Variants in PRKG1 observed in about 807,000 individuals in gnomAD.
The protein encoded by PRKG1 is cGMP-dependent protein kinase 1.
PRKG1 carries 35 observed loss-of-function variants against 88.1 expected under a neutral mutation model. That is an observed-to-expected ratio of 0.40 (90% CI 0.30 to 0.53). The LOEUF is 0.53. Ranked by LOEUF, PRKG1 falls within the 20% of genes least tolerant of loss-of-function variation. The pLI, the probability that PRKG1 is intolerant of heterozygous loss-of-function variation, is 0.59. For missense variants in PRKG1, 540 were observed against 839.8 expected (o/e 0.64, Z 4.41); for synonymous variants, 303 against 292.5 (o/e 1.04, Z -0.37).
intron 3 of PRKG1, among the ~76,000 whole-genome samples, chr10:51,532,355 A>G (rs1842039070): frequency 6.6e-6 from 1 of 152,182 alleles, no homozygotes; most frequent in Admixed American, 6.5e-5. Flanking sequence ...AATACTCCAT[A>G]TACAATTTTC....
intron 3 of PRKG1, among the ~76,000 whole-genome samples, chr10:51,542,793 A>G (rs761240963): frequency 6.6e-6 from 1 of 152,136 alleles, no homozygotes; most frequent in Non-Finnish European, 1.5e-5. Flanking sequence ...CCATCTGAAG[A>G]CGGCCTTCTC....
intron 4 of PRKG1, among the ~76,000 whole-genome samples, chr10:51,871,042 T>C (rs1442302597): frequency 6.6e-6 from 1 of 152,240 alleles, no homozygotes; most frequent in Admixed American, 6.5e-5. Context: ...AATTGTTTAC[T>C]ATACAACAAC....
At chr10:51,904,446 C>T (rs1031673701) in intron 4 of PRKG1, among the ~76,000 whole-genome samples, 9 of 152,040 alleles carry the variant, frequency 5.9e-5, no homozygotes, top group African/African-American at 2.2e-4. Flanking sequence ...GAATTTCAAA[C>T]TATAAACATT....
intron 3 of PRKG1, among the ~76,000 whole-genome samples, chr10:51,661,754 A>T (rs949746281): frequency 6.6e-6 from 1 of 152,224 alleles, no homozygotes; most frequent in East Asian, 1.9e-4. Flanking sequence ...ATTATAAATC[A>T]TGCTGCTATA....
rs139595367 is a variant in PRKG1, at chr10:52,072,853, C to T, written c.935+10222C>T. Among the ~76,000 whole-genome samples the T allele has an allele frequency of 2.3e-4, 35 of 152,246 alleles. No homozygotes were observed. The East Asian group carries it at 4.8e-3, about 21-fold the overall frequency. On this transcript the variant is annotated intron_variant, in intron 7 of 17. Transcript: ENST00000373980. Reference sequence around the variant, plus strand: ...ATTGGTCTCCCTGTGTCCAGTCTTCCGCACTTTTTATCCATTCCCCTCTTT... The same window carrying T: ...ATTGGTCTCCCTGTGTCCAGTCTTCTGCACTTTTTATCCATTCCCCTCTTT...
intron 3 of PRKG1, among the ~76,000 whole-genome samples, chr10:51,612,068 T>C (rs7895438): frequency 0.036 from 5,529 of 152,184 alleles, 218 homozygotes; most frequent in African/African-American, 0.098. Flanking sequence ...AGTCAGGTAA[T>C]GTAATGATTT....
intron 4 of PRKG1, among the ~76,000 whole-genome samples, chr10:51,896,270 A>C (rs1333732283): frequency 2.0e-5 from 3 of 152,172 alleles, no homozygotes; most frequent in Non-Finnish European, 4.4e-5. Flanking sequence ...AACATTTTGC[A>C]TATACTGTAT....
chr10:51,704,750 GT>G (rs1841564056), intron 3 of PRKG1, among the ~76,000 whole-genome samples: 1 of 152,158 alleles, frequency 6.6e-6, no homozygotes, highest in Admixed American at 6.5e-5. Context: ...GGTGAGGAGT[GT>G]GACAAAAGAT....
chr10:51,672,122 A>ATT (rs148708274), intron 3 of PRKG1, among the ~76,000 whole-genome samples: 14 of 149,842 alleles, frequency 9.3e-5, no homozygotes, highest in African/African-American at 2.0e-4. Context: ...CTCATTTGAG[A>ATT]TTTTTTTTTT....
At position 51,199,749 on chromosome 10, in the gene PRKG1, G is replaced by C. The variant is rs372648921; in HGVS notation, c.478+46419G>C. ...TGCTCATCTCAAGGCAGCCTCCTTT[G>C]CCAGCTCTCTTCTTTCAGGTATTGG... On this transcript the variant is annotated intron_variant, in intron 2 of 17. Coordinates refer to ENST00000373980, the MANE Select transcript of PRKG1 (RefSeq NM_006258.4). Among the ~76,000 whole-genome samples the C allele has an allele frequency of 2.0e-5, 3 of 152,262 alleles. No individual in the cohort carries two copies. The East Asian group carries it at 5.8e-4, about 29-fold the overall frequency.
intron 3 of PRKG1, among the ~76,000 whole-genome samples, chr10:51,703,139 A>G (rs941586880): frequency 4.6e-5 from 7 of 152,198 alleles, no homozygotes; most frequent in Admixed American, 1.3e-4. Context: ...CAACTTCCTG[A>G]CCAGATTTGG....
At chr10:51,391,203 GC>G (rs1394852583) in intron 2 of PRKG1, among the ~76,000 whole-genome samples, 1 of 152,174 alleles carries the variant, frequency 6.6e-6, no homozygotes, top group African/African-American at 2.4e-5. Flanking sequence ...ACACATTGCT[GC>G]CTTCTTAGTT....
chr10:51,749,008 T>C (rs928427684), intron 3 of PRKG1, among the ~76,000 whole-genome samples: 1 of 152,202 alleles, frequency 6.6e-6, no homozygotes, highest in Non-Finnish European at 1.5e-5. Flanking sequence ...GCTTAATCTA[T>C]ATAGATAGTG....
In PRKG1 at chr10:51,670,985, G is replaced by A. The variant is rs547533941; in HGVS notation, c.593-133600G>A. ...ATTTTTGTTGTTCTATGCAATGTTT[G>A]CTTAGATTTCCTGTATTTTTACCTA... On this transcript the variant is annotated intron_variant, in intron 3 of 17. Coordinates refer to ENST00000373980, the MANE Select transcript of PRKG1 (RefSeq NM_006258.4). 2.0e-5 allele frequency among the ~76,000 whole-genome samples: 3 copies of A among 151,648 alleles called. No individual in the cohort carries two copies. In the South Asian group the frequency reaches 6.2e-4, roughly 31 times the overall value.
chr10:51,862,820 G>T (rs1443367786), intron 4 of PRKG1, among the ~76,000 whole-genome samples: 1 of 151,964 alleles, frequency 6.6e-6, no homozygotes, highest in Non-Finnish European at 1.5e-5. Context: ...TAGCAATATG[G>T]GTAGCTGTAT....
At chr10:52,038,545 G>A (rs945030704) in intron 5 of PRKG1, among the ~76,000 whole-genome samples, 39 of 151,842 alleles carry the variant, frequency 2.6e-4, no homozygotes, top group Admixed American at 7.2e-4. Context: ...GGGACTTGCC[G>A]CTAAGAGTGA....
At chr10:51,768,009 T>TAAAA (rs532815967) in intron 3 of PRKG1, among the ~76,000 whole-genome samples, 30 of 146,184 alleles carry the variant, frequency 2.1e-4, no homozygotes, top group African/African-American at 7.3e-4. Context: ...TGCTGTTAAT[T>TAAAA]AAAAAAAAAA....
At chr10:51,389,537 T>TG (rs1837343965) in intron 2 of PRKG1, among the ~76,000 whole-genome samples, 1 of 152,292 alleles carries the variant, frequency 6.6e-6, no homozygotes, top group Non-Finnish European at 1.5e-5. Context: ...GGGGGCATCC[T>TG]GGGGCAGGCA....
At chr10:52,079,366 T>C (rs34801364) in intron 7 of PRKG1, among the ~76,000 whole-genome samples, 6,661 of 152,242 alleles carry the variant, frequency 0.044, 158 homozygotes, top group Middle Eastern at 0.061. Flanking sequence ...GCCCGAAGCC[T>C]GAGCTTTAAG....
Sources: gnomAD v4.1 joint callset for allele counts (sites outside exome capture counted in the v4.1 genomes callset) on GRCh38, gnomAD v4.1.1 for gene constraint, MANE v1.5 for transcripts, NCBI Gene and HGNC (gene_info 2026-07-23, HGNC 2026-07-21) for gene names.